CMIP: variants seen among roughly 807,000 people sequenced by gnomAD.
The protein encoded by CMIP is c-Maf inducing protein.
Under a neutral mutation model 97.3 loss-of-function variants are expected in CMIP, and 13 were observed. The ratio of observed to expected loss-of-function variants is 0.13; its 90% CI spans 0.09 to 0.21. CMIP has a LOEUF of 0.21. Ranked by LOEUF, CMIP falls within the 10% of genes least tolerant of loss-of-function variation. The pLI is 1.00. For synonymous variants in CMIP, 538 were observed against 436.3 expected, an observed-to-expected ratio of 1.23 and a Z score of -2.91; for missense variants, 847 against 1,024.9, an observed-to-expected ratio of 0.83 and a Z score of 2.37.
In CMIP at chr16:81,657,800, A is replaced by G; in HGVS notation, c.665A>G (p.His222Arg). 1 of 1,608,848 alleles carries G rather than the reference A, an allele frequency of 6.2e-7. No individual in the cohort carries two copies. Among genetic ancestry groups the G allele is most frequent in the South Asian group, 1.1e-5 (1 of 89,780 alleles). ...AACACAAACTTGACCACCCAGGAGC[A>G]TGAAAACATCATTGTGGTAAGTTCC... The part of the protein sequence containing the change: ...SENTNLTTQE[H>R]ENIIVAIAPL... The change falls in exon 5 of 21, where the codon CAT becomes CGT. Residue 222 changes from histidine (H) to arginine (R), a missense_variant. Coordinates refer to ENST00000537098, the MANE Select transcript of CMIP (RefSeq NM_198390.3).
At position 81,462,097 on chromosome 16, in the gene CMIP, C is replaced by A. The variant is rs191118573; in HGVS notation, c.300+16556C>A. Among the ~76,000 whole-genome samples the A allele has an allele frequency of 3.0e-3, 461 of 152,298 alleles. 2 individuals carry two copies. Among genetic ancestry groups the A allele is most frequent in the African/African-American group, 0.011 (451 of 41,564 alleles). ...TTAAATTTTGGTCCATTTCTGCATC[C>A]CATGACTTGCTTTGGGAAGTGATTT... is the stretch of plus-strand genomic sequence containing the variant. On this transcript the variant is annotated intron_variant, in intron 1 of 20. Transcript: ENST00000537098.
Position 81,500,318 on chromosome 16 carries a change from C to T in CMIP, c.300+54777C>T, listed in dbSNP as rs1395441954. 1.4e-5 allele frequency among the ~76,000 whole-genome samples: 2 copies of T among 138,924 alleles called. 1 individual carries two copies. Among genetic ancestry groups the T allele is most frequent in the South Asian group, 4.9e-4 (2 of 4,086 alleles). The allele number at this position is 138,924 out of a possible 152,430, so 91.1% of individuals were successfully genotyped here. A position where few individuals can be genotyped will look rare whatever the true frequency, so the allele number is the denominator to read the frequency against. ...TCCTTCCTTCCTGCCTCCCTCCCTC[C>T]CTGCCTCCCTCTGTCCCTCCCTCCC... On this transcript the variant is annotated intron_variant, in intron 1 of 20. Coordinates refer to ENST00000537098, the MANE Select transcript of CMIP (RefSeq NM_198390.3).
chr16:81,456,865 A>G (rs1906581038), intron 1 of CMIP, among the ~76,000 whole-genome samples: 1 of 152,200 alleles, frequency 6.6e-6, no homozygotes, highest in Non-Finnish European at 1.5e-5. Flanking sequence ...CCCTGACTGC[A>G]CTGGGGCCCC....
intron 7 of CMIP, chr16:81,666,542 G>T (rs1039665835): frequency 4.6e-5 from 7 of 152,068 alleles, no homozygotes; most frequent in Admixed American, 2.6e-4. Context: ...AATCAGAACC[G>T]CTCTGGGCAG....
At chr16:81,707,212 A>G (rs933850186) in intron 20 of CMIP, 128 bp downstream of exon 20, 11 of 757,380 alleles carry the variant, frequency 1.5e-5, no homozygotes, top group African/African-American at 1.2e-4. Context: ...CAATACATAA[A>G]ATAATGGCAG....
intron 3 of CMIP, among the ~76,000 whole-genome samples, chr16:81,629,234 C>T (rs2092119891): frequency 3.3e-5 from 5 of 151,134 alleles, no homozygotes. Flanking sequence ...ATTGCCTCAT[C>T]CTGTCTTGCA....
At chr16:81,508,194 C>T (rs146425521) in intron 1 of CMIP, among the ~76,000 whole-genome samples, 1 of 152,308 alleles carries the variant, frequency 6.6e-6, no homozygotes, top group East Asian at 1.9e-4. Flanking sequence ...TCATATGATG[C>T]ACAGCTCAGG....
At chr16:81,593,990 C>G (rs2091507204) in intron 1 of CMIP, among the ~76,000 whole-genome samples, 1 of 131,196 alleles carries the variant, frequency 7.6e-6, no homozygotes, top group African/African-American at 3.0e-5. Context: ...CCTCCTCCCC[C>G]TCCTCCCCCT....
At position 81,520,876 on chromosome 16, in the gene CMIP, C is replaced by T. The variant is rs145621818; in HGVS notation, c.300+75335C>T. The stretch of plus-strand genomic sequence containing the variant: ...AGTCAGAGGCTGCTTCTGGGAGGGC[C>T]TAATCCTGGTGCCTGGGTCTCCCGT... On this transcript the variant is annotated intron_variant, in intron 1 of 20. Coordinates refer to ENST00000537098, the MANE Select transcript of CMIP (RefSeq NM_198390.3). 1.2e-4 allele frequency among the ~76,000 whole-genome samples: 18 copies of T among 152,286 alleles called. No individual in the cohort carries two copies. The South Asian group carries it at 3.3e-3, about 28-fold the overall frequency.
At position 81,709,861 on chromosome 16, in the gene CMIP, C is replaced by G; in HGVS notation, c.*62C>G. 1 of 1,582,332 alleles carries G rather than the reference C, an allele frequency of 6.3e-7. No homozygotes were observed. Among genetic ancestry groups the G allele is most frequent in the Non-Finnish European group, 8.6e-7 (1 of 1,159,344 alleles). ...CGACAAAATAACTCTTGACTAACAG[C>G]CGCAGAGCAGCCGGTCCTGGGGTCC... On this transcript the variant is annotated 3_prime_UTR_variant, in exon 21 of 21. Coordinates refer to ENST00000537098, the MANE Select transcript of CMIP (RefSeq NM_198390.3).
At chr16:81,595,905 A>C (rs923397662) in intron 1 of CMIP, among the ~76,000 whole-genome samples, 2 of 152,172 alleles carry the variant, frequency 1.3e-5, no homozygotes, top group African/African-American at 2.4e-5. Context: ...TATATCTAGG[A>C]GTGGAATTAC....
intron 1 of CMIP, among the ~76,000 whole-genome samples, chr16:81,576,827 T>C (rs2091197274): frequency 6.6e-6 from 1 of 152,138 alleles, no homozygotes; most frequent in Non-Finnish European, 1.5e-5. Context: ...GCCTTGGTGT[T>C]CTCATCTGTA....
chr16:81,592,019 T>C (rs540187689), intron 1 of CMIP, among the ~76,000 whole-genome samples: 1 of 151,930 alleles, frequency 6.6e-6, no homozygotes, highest in African/African-American at 2.4e-5. Flanking sequence ...AGACAGGGTT[T>C]TGCTATGTTG....
chr16:81,447,064 C>T (rs1427766428), intron 1 of CMIP, among the ~76,000 whole-genome samples: 1 of 152,188 alleles, frequency 6.6e-6, no homozygotes, highest in Non-Finnish European at 1.5e-5. Flanking sequence ...CCACAGGCCG[C>T]AGCATTTGGC....
At chr16:81,600,302 A>G (rs575249008) in intron 1 of CMIP, among the ~76,000 whole-genome samples, 23 of 150,208 alleles carry the variant, frequency 1.5e-4, no homozygotes, top group African/African-American at 5.1e-4. Context: ...AAAAAGATAT[A>G]TAAAGCTGGC....
chr16:81,454,106 T>A (rs1305090201), intron 1 of CMIP, among the ~76,000 whole-genome samples: 1 of 152,160 alleles, frequency 6.6e-6, no homozygotes, highest in African/African-American at 2.4e-5. Context: ...TTGGGGGCAT[T>A]TCGGCCAAGC....
chr16:81,546,894 A>T (rs981194923), intron 1 of CMIP, among the ~76,000 whole-genome samples: 2 of 152,230 alleles, frequency 1.3e-5, no homozygotes, highest in Admixed American at 1.3e-4. Flanking sequence ...CTCCGTAGCC[A>T]CGCGTGGCGA....
chr16:81,536,639 A>G (rs914076414), intron 1 of CMIP, among the ~76,000 whole-genome samples: 2 of 152,098 alleles, frequency 1.3e-5, no homozygotes. Flanking sequence ...ATGACCTTTG[A>G]TGAAGTGGGT....
At chr16:81,542,505 G>C (rs1260468541) in intron 1 of CMIP, among the ~76,000 whole-genome samples, 1 of 152,144 alleles carries the variant, frequency 6.6e-6, no homozygotes. Flanking sequence ...GCAGGAGTGT[G>C]TTTTTCTGGA....
Sources: gnomAD v4.1 joint callset for allele counts (sites outside exome capture counted in the v4.1 genomes callset) on GRCh38, gnomAD v4.1.1 for gene constraint, MANE v1.5 for transcripts, NCBI Gene and HGNC (gene_info 2026-07-23, HGNC 2026-07-21) for gene names.